Variants in MMP24 observed in about 807,000 individuals in gnomAD.
The protein encoded by MMP24 is matrix metallopeptidase 24.
In MMP24, 25 loss-of-function variants were observed where a neutral mutation model predicts 62.8. The observed-to-expected ratio is 0.40, with a 90% CI of 0.29 to 0.56. MMP24 has a LOEUF of 0.56. Ranked by LOEUF, MMP24 falls within the 20% of genes least tolerant of loss-of-function variation. The pLI is 0.50. For synonymous variants in MMP24, 319 were observed against 350.5 expected, an observed-to-expected ratio of 0.91 and a Z score of 1.00; for missense variants, 634 against 853.6, an observed-to-expected ratio of 0.74 and a Z score of 3.21.
At chr20:35,270,464 T>G (rs940238889) in intron 7 of MMP24, among the ~76,000 whole-genome samples, 2 of 152,232 alleles carry the variant, frequency 1.3e-5, no homozygotes, top group East Asian at 3.9e-4. Context: ...CTTGGAAAGC[T>G]GTGAGAAATG....
At chr20:35,249,947 T>A (rs2060536048) in intron 2 of MMP24, among the ~76,000 whole-genome samples, 1 of 152,004 alleles carries the variant, frequency 6.6e-6, no homozygotes, top group Non-Finnish European at 1.5e-5. Context: ...CAAACTTTTT[T>A]ATTTTATTTA....
chr20:35,226,946 G>T lies in MMP24; in HGVS notation c.208G>T (p.Ala70Ser). 1.0e-6 allele frequency: 1 copy of T among 980,746 alleles called. No homozygotes were observed. The highest frequency in any genetic ancestry group is 1.2e-6 in the Non-Finnish European group (1 of 828,326). The allele number at this position is 980,746 out of a possible 1,614,324, so 60.8% of individuals were successfully genotyped here. Reference sequence around the variant, plus strand: ...CCGGGCAGCGGTGGCGGTGGCGGTGGCGCGGGCGGACGAGGCGGAGGCGCC... The same window carrying T: ...CCGGGCAGCGGTGGCGGTGGCGGTGTCGCGGGCGGACGAGGCGGAGGCGCC... ...GNRAAVAVAV[A>S]RADEAEAPFA... Residue 70 changes from alanine to serine, a missense_variant, in exon 1 of 9, where the codon GCG becomes TCG. Ala to Ser is a moderately conservative substitution (Grantham distance 99). This residue lies in a region of MMP24 where 212 missense variants were observed against 259.6 expected (regional missense o/e 0.82). Transcript: ENST00000246186.
chr20:35,226,809 C>A lies in MMP24; in HGVS notation c.71C>A (p.Pro24Gln). 1 of 977,292 alleles carries A rather than the reference C, an allele frequency of 1.0e-6. No homozygotes were observed. The highest frequency in any genetic ancestry group is 4.6e-5 in the South Asian group (1 of 21,718). 60.5% of individuals were successfully genotyped at this position (977,292 alleles called of 1,614,324 possible). Reference sequence around the variant, plus strand: ...CCGCCGCCGCCGCCGGGCCAGGCCCCGCGCTGGAGCCGCTGGCGGGTCCCT... The same window carrying A: ...CCGCCGCCGCCGCCGGGCCAGGCCCAGCGCTGGAGCCGCTGGCGGGTCCCT... ...PPPPPPPGQA[P>Q]RWSRWRVPGR... Residue 24 changes from proline to glutamine, a missense_variant, in exon 1 of 9, where the codon CCG (proline) becomes CAG (glutamine). Pro to Gln is a moderately conservative substitution (Grantham distance 76, BLOSUM62 -1). Transcript: ENST00000246186.
In MMP24 at chr20:35,232,027, A is replaced by G. The variant is rs1051345776; in HGVS notation, c.246+5043A>G. Among the ~76,000 whole-genome samples, 16 of 152,308 alleles carry G rather than the reference A, an allele frequency of 1.1e-4. No individual in the cohort carries two copies. In the East Asian group the frequency reaches 2.1e-3, roughly 20 times the overall value. ...CACTTCACTCCAGCCTGGGCAAAAG[A>G]GTGAATCTCCGTCTCAGAAGAAAAA... On this transcript the variant is annotated intron_variant, in intron 1 of 8. Coordinates refer to ENST00000246186, the MANE Select transcript of MMP24 (RefSeq NM_006690.4).
rs2060694807 is a variant in MMP24 at position 35,274,839 on chromosome 20, G to A, written c.*230G>A. ...CCCAGCTGCCAGCCTTCTGTCCTGG[G>A]CAAACTACTCCCTACTTAAGGGAAT... On this transcript the variant is annotated 3_prime_UTR_variant, in exon 9 of 9. Coordinates refer to ENST00000246186, the MANE Select transcript of MMP24 (RefSeq NM_006690.4). The surrounding 1 kb of genome is among the most constrained non-coding windows in gnomAD (Gnocchi z 5.1). 5.3e-6 allele frequency: 3 copies of A among 570,070 alleles called. No homozygotes were observed. Among genetic ancestry groups the A allele is most frequent in the South Asian group, 2.1e-5 (1 of 46,884 alleles). The allele number at this position is 570,070 out of a possible 1,614,324, so 35.3% of individuals were successfully genotyped here.
At position 35,252,038 on chromosome 20, in the gene MMP24, T is replaced by A. The variant is rs1441938292; in HGVS notation, c.512+17T>A. 6.3e-7 allele frequency: 1 copy of A among 1,580,694 alleles called. No homozygotes were observed. Among genetic ancestry groups the A allele is most frequent in the African/African-American group, 1.3e-5 (1 of 74,192 alleles). On this transcript the variant is annotated intron_variant, in intron 3 of 8. Coordinates refer to ENST00000246186, the MANE Select transcript of MMP24 (RefSeq NM_006690.4). ...CACCTACAGGTGCTTCGACTCTCCC[T>A]CTTCCTCCCTGCCTTTGGCTCCACC...
intron 8 of MMP24, among the ~76,000 whole-genome samples, chr20:35,273,656 C>T (rs567755356): frequency 3.3e-5 from 5 of 152,238 alleles, no homozygotes; most frequent in South Asian, 2.1e-4. Context: ...CCAATGAGGA[C>T]GGCCTAAGCA....
intron 3 of MMP24, 69 bp from the exon 4 acceptor site, chr20:35,254,381 G>T (rs976007281): frequency 2.2e-6 from 3 of 1,394,058 alleles, no homozygotes; most frequent in African/African-American, 2.9e-5. Context: ...ATTGTCTCAG[G>T]TATCTATTTT....
chr20:35,266,351 CAAAAAAAA>C (rs3055615), intron 5 of MMP24, among the ~76,000 whole-genome samples: 3 of 56,608 alleles, frequency 5.3e-5, no homozygotes, highest in Admixed American at 2.0e-4. Flanking sequence ...GACTCCTTCT[CAAAAAAAA>C]AAAAAAAAAA....
intron 8 of MMP24, among the ~76,000 whole-genome samples, chr20:35,273,228 C>CAA (rs1309511005): frequency 6.9e-6 from 1 of 145,776 alleles, no homozygotes; most frequent in Non-Finnish European, 1.5e-5. Flanking sequence ...TTCATCTCTA[C>CAA]AAAAAAAAAA....
intron 1 of MMP24, among the ~76,000 whole-genome samples, chr20:35,228,013 C>T (rs897823677): frequency 6.6e-6 from 1 of 152,124 alleles, no homozygotes; most frequent in Admixed American, 6.5e-5. Flanking sequence ...CTGCAATATT[C>T]TAATAAATGA....
intron 5 of MMP24, among the ~76,000 whole-genome samples, chr20:35,264,746 A>G (rs992639080): frequency 2.7e-5 from 4 of 150,048 alleles, no homozygotes; most frequent in East Asian, 3.9e-4. Flanking sequence ...AAAGAAAGAA[A>G]AGGTGAAAGA....
At chr20:35,268,145 G>A (rs2060646183) in intron 6 of MMP24, among the ~76,000 whole-genome samples, 1 of 152,202 alleles carries the variant, frequency 6.6e-6, no homozygotes, top group South Asian at 2.1e-4. Flanking sequence ...ACGGTGGCCT[G>A]TCACTCAGCC....
At position 35,226,780 on chromosome 20, in the gene MMP24, G is replaced by A. The variant is rs1187515534; in HGVS notation, c.42G>A (p.Pro14=). The part of the protein sequence containing the change: ...SRGGRAAPGP[P]PPPPPPGQAP... ...GCGGCCGCGCCGCGCCGGGGCCGCC[G>A]CCGCCGCCGCCGCCGCCGGGCCAGG... Residue 14 remains proline, a synonymous_variant, in exon 1 of 9, where the codon CCG becomes CCA. Transcript: ENST00000246186. 1.7e-4 allele frequency: 27 copies of A among 155,858 alleles called. No homozygotes were observed. The highest frequency in any genetic ancestry group is 1.9e-4 in the Non-Finnish European group (24 of 128,388). 9.7% of individuals were successfully genotyped at this position (155,858 alleles called of 1,614,324 possible). A position where few individuals can be genotyped will look rare whatever the true frequency, so the allele number is the denominator to read the frequency against.
intron 4 of MMP24, among the ~76,000 whole-genome samples, chr20:35,259,489 G>T (rs2060591940): frequency 6.6e-6 from 1 of 152,184 alleles, no homozygotes; most frequent in Admixed American, 6.5e-5. Flanking sequence ...GGCAGTTCAG[G>T]GAAACTGCTG....
intron 4 of MMP24, among the ~76,000 whole-genome samples, chr20:35,261,956 A>C (rs1220765483): frequency 6.6e-6 from 1 of 152,010 alleles, no homozygotes; most frequent in East Asian, 1.9e-4. Flanking sequence ...GCAGGCCACC[A>C]TATCTGGCTA....
At chr20:35,259,664 G>T (rs947507016) in intron 4 of MMP24, among the ~76,000 whole-genome samples, 3 of 152,194 alleles carry the variant, frequency 2.0e-5, no homozygotes, top group Admixed American at 6.5e-5. Context: ...CCTTTCGTGG[G>T]GCTGGGGGAG....
Position 35,267,261 on chromosome 20 carries a change from A to C in MMP24, c.1036A>C (p.Arg346=). 1.9e-6 allele frequency: 3 copies of C among 1,606,846 alleles called. No homozygotes were observed. The highest frequency in any genetic ancestry group is 2.5e-6 in the Non-Finnish European group (3 of 1,176,972). Residue 346 remains arginine (R), a synonymous_variant, in exon 6 of 9, where the codon AGG becomes CGG. Transcript: ENST00000246186. ...TRPLPTLPVR[R]IHSPSERKHE... ...GCCACTCCCTACACTCCCCGTCCGC[A>C]GGATCCACTCACCATCGGAGAGGAA...
At chr20:35,236,344 C>A (rs976287468) in intron 1 of MMP24, among the ~76,000 whole-genome samples, 4 of 152,166 alleles carry the variant, frequency 2.6e-5, no homozygotes, top group Non-Finnish European at 4.4e-5. Context: ...AAGTCATTTC[C>A]CCTCCCGGAG....
Sources: allele counts gnomAD v4.1 joint callset (sites outside exome capture counted in the v4.1 genomes callset), GRCh38; gene constraint gnomAD v4.1.1; regional missense constraint gnomAD v4.1.1; non-coding constraint Gnocchi (gnomAD v3.1); transcripts MANE v1.5; gene names NCBI Gene and HGNC (gene_info 2026-07-23, HGNC 2026-07-21).